LPA: variants seen among roughly 807,000 people sequenced by gnomAD.
The protein encoded by LPA is apolipoprotein(a).
LPA carries 199 observed loss-of-function variants against 197.9 expected under a neutral mutation model. The ratio of observed to expected loss-of-function variants is 1.01; its 90% confidence interval spans 0.90 to 1.13. The LOEUF is 1.13. Ranked by LOEUF, LPA falls within the 50% of genes most tolerant of loss-of-function variation. The pLI is 0.00. For synonymous variants in LPA, 715 were observed against 639.5 expected, an observed-to-expected ratio of 1.12 and a Z score of -1.78; for missense variants, 1,853 against 1,785.8, an observed-to-expected ratio of 1.04 and a Z score of -0.68.
At position 160,586,590 on chromosome 6, in the gene LPA, T is replaced by C; in HGVS notation, c.3988A>G (p.Ile1330Val). The change falls in exon 25 of 39, where the codon ATT (isoleucine) becomes GTT (valine). Residue 1330 changes from isoleucine (I) to valine (V), a missense_variant. Transcript: ENST00000316300. The part of the protein sequence containing the change: ...RNYCRNPDAE[I>V]RPWCYTMDPS... Reference sequence around the variant, plus strand: ...TCCATGGTATAACACCAAGGGCGAATCTCAGCATCTGGATTCCTGCAGTAG... The same window carrying C: ...TCCATGGTATAACACCAAGGGCGAACCTCAGCATCTGGATTCCTGCAGTAG... The C allele has an allele frequency of 6.2e-7, 1 of 1,613,788 alleles. No individual in the cohort carries two copies. Among genetic ancestry groups the C allele is most frequent in the Non-Finnish European group, 8.5e-7 (1 of 1,179,798 alleles).
rs1214659403 is a variant in LPA, at chr6:160,589,648, G to A, written c.3852C>T (p.Gly1284=). The change falls in exon 24 of 39, where the codon GGC becomes GGT. Residue 1284 remains glycine, a synonymous_variant. Coordinates refer to ENST00000316300, the MANE Select transcript of LPA (RefSeq NM_005577.4). ...TTCCTGTAACAGTGGTGGAGAATGAGCCTCGATAACTCTGTCCATCACCAT... is the reference window on the plus strand; with the variant it reads ...TTCCTGTAACAGTGGTGGAGAATGAACCTCGATAACTCTGTCCATCACCAT... ...CYHGDGQSYR[G]SFSTTVTGRT... The A allele has an allele frequency of 6.2e-7, 1 of 1,613,964 alleles. No homozygotes were observed. The highest frequency in any genetic ancestry group is 1.3e-5 in the African/African-American group (1 of 75,038).
intron 28 of LPA, among the ~76,000 whole-genome samples, chr6:160,561,678 A>G (rs1021348941): frequency 9.9e-5 from 15 of 152,168 alleles, no homozygotes; most frequent in Admixed American, 5.2e-4. Context: ...CAATTTTCAC[A>G]ATATTGATTC....
In LPA at chr6:160,577,276, AGGGCTTTTCTCAGGT is replaced by A; in HGVS notation, c.4476_4490del (p.Pro1493_Pro1497del). 1.2e-6 allele frequency: 2 copies of A among 1,613,854 alleles called. No homozygotes were observed. Among genetic ancestry groups the A allele is most frequent in the Non-Finnish European group, 1.7e-6 (2 of 1,179,800 alleles). On this transcript the variant is annotated inframe_deletion, in exon 28 of 39. Transcript: ENST00000316300. ...CACCATGGTAGCAATCCTGGACCAC[AGGGCTTTTCTCAGGT>A]GGTGCTGAAATTAAAATAAAATAAA...
At chr6:160,564,898 C>T (rs1209868792) in intron 28 of LPA, among the ~76,000 whole-genome samples, 1 of 152,200 alleles carries the variant, frequency 6.6e-6, no homozygotes. Context: ...TTGCTCACTG[C>T]TAGTACAGCA....
chr6:160,604,141 T>A (rs1320205565), intron 18 of LPA, among the ~76,000 whole-genome samples: 1 of 152,176 alleles, frequency 6.6e-6, no homozygotes, highest in African/African-American at 2.4e-5. Context: ...CATCCACAAA[T>A]CCATTCTCAT....
intron 28 of LPA, among the ~76,000 whole-genome samples, chr6:160,574,731 A>C (rs1396041094): frequency 6.6e-6 from 1 of 152,164 alleles, no homozygotes; most frequent in African/African-American, 2.4e-5. Flanking sequence ...CCACTTCTGC[A>C]GTTGGGGAAC....
chr6:160,654,036 T>A (rs1432719283), intron 1 of LPA, among the ~76,000 whole-genome samples: 242 of 10,758 alleles, frequency 0.022, 26 homozygotes, highest in African/African-American at 0.14. Context: ...TAATATATAT[T>A]ATATATAATA....
chr6:160,550,874 C>A (rs1270732097), intron 30 of LPA, among the ~76,000 whole-genome samples: 1 of 152,136 alleles, frequency 6.6e-6, no homozygotes, highest in Non-Finnish European at 1.5e-5. Context: ...AAAACATGCT[C>A]CCTTTTATTG....
intron 16 of LPA, among the ~76,000 whole-genome samples, chr6:160,611,074 T>G (rs1226225679): frequency 6.6e-6 from 1 of 152,102 alleles, no homozygotes; most frequent in Admixed American, 6.5e-5. Flanking sequence ...CCACTGGTAC[T>G]TAGGACCAAG....
intron 30 of LPA, among the ~76,000 whole-genome samples, chr6:160,553,473 T>G (rs920629997): frequency 2.0e-5 from 3 of 152,192 alleles, no homozygotes; most frequent in African/African-American, 7.2e-5. Flanking sequence ...TATTTGTTTG[T>G]TTTGGCTGGA....
At chr6:160,608,819 T>TTTTGTGTGTG (rs1554239064) in intron 16 of LPA, among the ~76,000 whole-genome samples, 18 of 149,348 alleles carry the variant, frequency 1.2e-4, no homozygotes, top group African/African-American at 3.4e-4. Context: ...TTCTTGAGGG[T>TTTTGTGTGTG]TGTGTGTGTG....
chr6:160,565,134 C>T (rs1374025623), intron 28 of LPA, among the ~76,000 whole-genome samples: 1 of 152,226 alleles, frequency 6.6e-6, no homozygotes, highest in Non-Finnish European at 1.5e-5. Context: ...GAAACTTCTG[C>T]AGACTTAAAC....
intron 2 of LPA, among the ~76,000 whole-genome samples, chr6:160,648,908 G>A (rs1779954503): frequency 6.6e-6 from 1 of 151,998 alleles, no homozygotes; most frequent in Admixed American, 6.6e-5. Flanking sequence ...TGTTTGTATT[G>A]GCTGATTTTC....
intron 23 of LPA, among the ~76,000 whole-genome samples, chr6:160,590,155 G>T (rs986374002): frequency 5.3e-5 from 8 of 152,322 alleles, no homozygotes; most frequent in South Asian, 4.1e-4. Context: ...TAAGTTTCTG[G>T]AAGATGGGGC....
At position 160,589,669 on chromosome 6, in the gene LPA, A is replaced by G. The variant is rs1778987026; in HGVS notation, c.3831T>C (p.Gly1277=). 6.2e-7 allele frequency: 1 copy of G among 1,613,814 alleles called. No homozygotes were observed. The highest frequency in any genetic ancestry group is 1.1e-5 in the South Asian group (1 of 91,088). Residue 1277 remains glycine, a synonymous_variant, in exon 24 of 39, where the codon GGT becomes GGC. Coordinates refer to ENST00000316300, the MANE Select transcript of LPA (RefSeq NM_005577.4). ...QSPTVQDCYH[G]DGQSYRGSFS... Reference sequence around the variant, plus strand: ...ATGAGCCTCGATAACTCTGTCCATCACCATGGTAGCAGTCCTGGACTGTGG... The same window carrying G: ...ATGAGCCTCGATAACTCTGTCCATCGCCATGGTAGCAGTCCTGGACTGTGG...
At chr6:160,652,122 G>GA (rs144548181) in intron 1 of LPA, among the ~76,000 whole-genome samples, 5,189 of 132,174 alleles carry the variant, frequency 0.039, 170 homozygotes, top group African/African-American at 0.099. Context: ...AGAGAGAAGT[G>GA]AAAAAAAAAA....
chr6:160,584,965 G>A, intron 26 of LPA, 81 bp downstream of exon 26: 1 of 1,442,352 alleles, frequency 6.9e-7, no homozygotes, highest in Non-Finnish European at 9.7e-7. Flanking sequence ...TTGGACCTAG[G>A]AAGTGAGCTT....
In LPA at chr6:160,600,933, C is replaced by T. The variant is rs745988582; in HGVS notation, c.3111G>A (p.Glu1037=). The T allele has an allele frequency of 8.1e-6, 13 of 1,612,618 alleles. No individual in the cohort carries two copies. Among genetic ancestry groups the T allele is most frequent in the African/African-American group, 2.7e-5 (2 of 74,876 alleles). The change falls in exon 19 of 39, where the codon GAG becomes GAA. Residue 1037 remains glutamate (E), a synonymous_variant. Coordinates refer to ENST00000316300, the MANE Select transcript of LPA (RefSeq NM_005577.4). ...PPNVILAPSL[E]AFFEQALTEE... ...ACTTCTTACCTTGTTCAAAAAAAGC[C>T]TCTAGGCTTGGAGCCAGAATAACAT... is the stretch of plus-strand genomic sequence containing the variant.
At chr6:160,593,023 A>C (rs901092698) in intron 22 of LPA, among the ~76,000 whole-genome samples, 1 of 152,078 alleles carries the variant, frequency 6.6e-6, no homozygotes, top group African/African-American at 2.4e-5. Context: ...GCAGCTTTGT[A>C]TTTAGCCAAA....
Sources: gnomAD v4.1 joint callset for allele counts (sites outside exome capture counted in the v4.1 genomes callset) on GRCh38, gnomAD v4.1.1 for gene constraint, MANE v1.5 for transcripts, NCBI Gene and HGNC (gene_info 2026-07-23, HGNC 2026-07-21) for gene names.